IGF2BP2: variants seen among roughly 807,000 people sequenced by gnomAD.
IGF2BP2 encodes the protein insulin like growth factor 2 mRNA binding protein 2.
Under a neutral mutation model 75.8 loss-of-function variants are expected in IGF2BP2, and 17 were observed. The ratio of observed to expected loss-of-function variants is 0.22; its 90% CI spans 0.15 to 0.34. The LOEUF is 0.34. Among genes scored for constraint, IGF2BP2 ranks in the 10% least tolerant of loss-of-function variants. IGF2BP2 has a pLI of 1.00. For synonymous variants in IGF2BP2, 288 were observed against 295.6 expected (o/e 0.97, Z 0.26); for missense variants, 516 against 772.4 (o/e 0.67, Z 3.93).
intron 4 of IGF2BP2, among the ~76,000 whole-genome samples, chr3:185,694,179 C>T (rs1006591089): frequency 3.2e-4 from 49 of 152,192 alleles, no homozygotes; most frequent in Admixed American, 2.9e-3. Flanking sequence ...TTAATTCACA[C>T]TTAACCCACA....
At chr3:185,711,635 AACG>A (rs916265901) in intron 2 of IGF2BP2, among the ~76,000 whole-genome samples, 52 of 152,344 alleles carry the variant, frequency 3.4e-4, no homozygotes, top group African/African-American at 1.3e-3. Flanking sequence ...AATAACGGTG[AACG>A]ACCTACCTGG....
chr3:185,822,411 A>T (rs1741480455), intron 2 of IGF2BP2, among the ~76,000 whole-genome samples: 1 of 152,194 alleles, frequency 6.6e-6, no homozygotes, highest in Non-Finnish European at 1.5e-5. Flanking sequence ...TTAAACAAAG[A>T]TGTTTTCTCT....
intron 2 of IGF2BP2, among the ~76,000 whole-genome samples, chr3:185,783,650 G>A (rs1463960202): frequency 1.3e-5 from 2 of 152,136 alleles, no homozygotes; most frequent in Non-Finnish European, 2.9e-5. Flanking sequence ...ATACCTATTT[G>A]TGCATAACCA....
chr3:185,696,964 C>A (rs985404601), intron 3 of IGF2BP2, among the ~76,000 whole-genome samples: 11 of 152,160 alleles, frequency 7.2e-5, no homozygotes, highest in African/African-American at 2.7e-4. Flanking sequence ...ACTACTCTTA[C>A]AATGAGAAGC....
chr3:185,674,337 A>G (rs748250511), intron 9 of IGF2BP2, among the ~76,000 whole-genome samples: 2 of 152,210 alleles, frequency 1.3e-5, no homozygotes, highest in South Asian at 2.1e-4. Context: ...GACTTATTGG[A>G]GCATCCATTC....
At chr3:185,667,053 G>A (rs916387159) in intron 10 of IGF2BP2, among the ~76,000 whole-genome samples, 8 of 152,196 alleles carry the variant, frequency 5.3e-5, no homozygotes, top group Non-Finnish European at 1.5e-5. Context: ...AATCTGCTGT[G>A]TAGACAGAGA....
At chr3:185,677,068 T>TATATATATATATATAG in intron 7 of IGF2BP2, among the ~76,000 whole-genome samples, 52 of 35,844 alleles carry the variant, frequency 1.5e-3, no homozygotes, top group Middle Eastern at 0.023. Context: ...TATATATATA[T>TATATATATATATATAG]AGAGAGAGAG....
At chr3:185,655,122 AGATT>A (rs1715226087) in intron 12 of IGF2BP2, among the ~76,000 whole-genome samples, 1 of 152,196 alleles carries the variant, frequency 6.6e-6, no homozygotes, top group African/African-American at 2.4e-5. Context: ...AGCAAAAACC[AGATT>A]GATTTTTTTA....
chr3:185,645,657 A>G lies in IGF2BP2; in HGVS notation c.1708-34T>C, dbSNP rs1263520772. 3 of 1,536,094 alleles carry G rather than the reference A, an allele frequency of 2.0e-6. No homozygotes were observed. The highest frequency in any genetic ancestry group is 1.4e-5 in the African/African-American group (1 of 73,290). ...AGGGAGAGAAGGGAGAGGAAGGGAC[A>G]GGGGAAAAAAGGAACCCAGTTCTGA... On this transcript the variant is annotated intron_variant, in intron 15 of 15. Transcript: ENST00000382199. This position sits in a 1 kb window ranked among gnomAD's most constrained non-coding sequence, Gnocchi z 4.9.
chr3:185,742,910 C>A (rs1222997000), intron 2 of IGF2BP2, among the ~76,000 whole-genome samples: 2 of 152,036 alleles, frequency 1.3e-5, no homozygotes, highest in African/African-American at 4.8e-5. Context: ...ACCAGCCTGG[C>A]CAATATGGTG....
chr3:185,705,269 G>C (rs992171984), intron 2 of IGF2BP2, among the ~76,000 whole-genome samples: 1 of 152,130 alleles, frequency 6.6e-6, no homozygotes, highest in South Asian at 2.1e-4. Flanking sequence ...GCTAATTTTT[G>C]TATTTTTAGT....
chr3:185,775,222 G>A (rs959629104), intron 2 of IGF2BP2, among the ~76,000 whole-genome samples: 1 of 152,200 alleles, frequency 6.6e-6, no homozygotes, highest in South Asian at 2.1e-4. Flanking sequence ...TGCCTTGTGA[G>A]AGCTCAGTAA....
intron 2 of IGF2BP2, among the ~76,000 whole-genome samples, chr3:185,706,476 T>C (rs978387043): frequency 6.6e-5 from 10 of 152,148 alleles, no homozygotes; most frequent in African/African-American, 2.4e-4. Flanking sequence ...AGATGATGTT[T>C]AGATGTCTGT....
chr3:185,823,246 T>A, intron 1 of IGF2BP2, 33 bp from the exon 2 acceptor site: 4 of 1,562,250 alleles, frequency 2.6e-6, no homozygotes, highest in Non-Finnish European at 3.5e-6. Context: ...CTCAGAACCT[T>A]GCTTAGATCA....
At chr3:185,771,167 TG>T (rs1364443552) in intron 2 of IGF2BP2, among the ~76,000 whole-genome samples, 2 of 152,116 alleles carry the variant, frequency 1.3e-5, no homozygotes, top group African/African-American at 4.8e-5. Flanking sequence ...GGGCCAGGCA[TG>T]GTGGCTCACG....
intron 2 of IGF2BP2, among the ~76,000 whole-genome samples, chr3:185,714,569 C>A (rs979984695): frequency 2.0e-5 from 3 of 152,172 alleles, no homozygotes; most frequent in African/African-American, 7.2e-5. Flanking sequence ...AGCTATCAAA[C>A]TTTTGATTTC....
chr3:185,752,755 C>A (rs1731125229), intron 2 of IGF2BP2, among the ~76,000 whole-genome samples: 2 of 152,080 alleles, frequency 1.3e-5, no homozygotes, highest in African/African-American at 4.8e-5. Flanking sequence ...TGCCACCACA[C>A]CCAGCTAATT....
chr3:185,740,795 C>T (rs1160609182), intron 2 of IGF2BP2, among the ~76,000 whole-genome samples: 1 of 152,218 alleles, frequency 6.6e-6, no homozygotes, highest in East Asian at 1.9e-4. Context: ...AATTACCAAG[C>T]TTTGTGGTCT....
intron 2 of IGF2BP2, among the ~76,000 whole-genome samples, chr3:185,762,925 G>A (rs1732572668): frequency 6.6e-6 from 1 of 152,166 alleles, no homozygotes; most frequent in Non-Finnish European, 1.5e-5. Context: ...TCAACAATAT[G>A]AGAAGAGCAA....
Sources: allele counts gnomAD v4.1 joint callset (sites outside exome capture counted in the v4.1 genomes callset), GRCh38; gene constraint gnomAD v4.1.1; non-coding constraint Gnocchi (gnomAD v3.1); transcripts MANE v1.5; gene names NCBI Gene and HGNC (gene_info 2026-07-23, HGNC 2026-07-21).